MEIS2: variants seen among roughly 807,000 people sequenced by gnomAD.
The protein encoded by MEIS2 is Meis homeobox 2.
Under a neutral mutation model 58.6 loss-of-function variants are expected in MEIS2, and 9 were observed. The observed-to-expected ratio is 0.15, with a 90% CI of 0.09 to 0.27. The LOEUF is 0.27. Ranked by LOEUF, MEIS2 falls within the 10% of genes least tolerant of loss-of-function variation. MEIS2 has a pLI of 1.00. For missense variants in MEIS2, 427 were observed against 635.0 expected (o/e 0.67, Z 3.52); for synonymous variants, 221 against 228.4 (o/e 0.97, Z 0.29).
chr15:36,950,298 A>G, intron 9 of MEIS2, 26 bp downstream of exon 9: 1 of 1,575,872 alleles, frequency 6.3e-7, no homozygotes. Context: ...CCATGGGAGA[A>G]AGACATTGAT....
intron 8 of MEIS2, among the ~76,000 whole-genome samples, chr15:36,950,705 C>T (rs553430312): frequency 6.6e-6 from 1 of 152,212 alleles, no homozygotes; most frequent in Non-Finnish European, 1.5e-5. Context: ...TTTTGGTCAT[C>T]TAACTCGCTT....
chr15:37,094,371 CCT>C (rs572320144), intron 5 of MEIS2, 154 bp downstream of exon 5: 69 of 668,304 alleles, frequency 1.0e-4, no homozygotes, highest in Non-Finnish European at 1.3e-4. Flanking sequence ...CCTCTGAGCC[CCT>C]GTGTTGAGAA....
At chr15:36,954,302 C>T (rs16964391) in intron 8 of MEIS2, among the ~76,000 whole-genome samples, 18,407 of 150,734 alleles carry the variant, frequency 0.12, 1,229 homozygotes, top group African/African-American at 0.18. Flanking sequence ...ATGCTTGTAG[C>T]GCAAAAAAAA....
intron 7 of MEIS2, among the ~76,000 whole-genome samples, chr15:37,043,671 C>T (rs998112198): frequency 6.7e-5 from 10 of 149,468 alleles, no homozygotes; most frequent in Admixed American, 6.0e-4. Flanking sequence ...TCTAGAACAC[C>T]GTCCCCTCCT....
chr15:36,942,455 G>A (rs1045796968), intron 9 of MEIS2, among the ~76,000 whole-genome samples: 2 of 152,114 alleles, frequency 1.3e-5, no homozygotes, highest in Admixed American at 1.3e-4. Context: ...ACCAGGAAGC[G>A]CCACCTAACC....
intron 9 of MEIS2, among the ~76,000 whole-genome samples, chr15:36,937,450 G>A (rs2058218085): frequency 6.6e-6 from 1 of 152,186 alleles, no homozygotes; most frequent in African/African-American, 2.4e-5. Context: ...AGGGATTTAA[G>A]AAACAGCTTA....
At chr15:37,029,024 A>C (rs1434027502) in intron 8 of MEIS2, among the ~76,000 whole-genome samples, 1 of 152,200 alleles carries the variant, frequency 6.6e-6, no homozygotes, top group East Asian at 1.9e-4. Context: ...ATCACCCAGC[A>C]TTGTAATTTA....
At chr15:37,034,595 C>T (rs529252463) in intron 8 of MEIS2, among the ~76,000 whole-genome samples, 31 of 152,284 alleles carry the variant, frequency 2.0e-4, no homozygotes, top group African/African-American at 6.5e-4. Flanking sequence ...TGCTGGGTGC[C>T]GCCCTGGGCA....
intron 7 of MEIS2, among the ~76,000 whole-genome samples, chr15:37,054,187 T>G (rs982011733): frequency 6.6e-6 from 1 of 152,258 alleles, no homozygotes; most frequent in Admixed American, 6.5e-5. Flanking sequence ...AAGGCTTTTC[T>G]TTTGCTTTTT....
chr15:37,098,362 G>A (rs77657274), intron 1 of MEIS2, 163 bp from the exon 2 acceptor site: 39,682 of 1,001,162 alleles, frequency 0.04, 809 homozygotes, highest in Middle Eastern at 0.053. Flanking sequence ...AGGAGGAGGA[G>A]GAAAAGGAGG....
chr15:37,010,024 G>A (rs1299751720), intron 8 of MEIS2, among the ~76,000 whole-genome samples: 1 of 152,132 alleles, frequency 6.6e-6, no homozygotes, highest in African/African-American at 2.4e-5. Context: ...CATTTGATGT[G>A]TTCTAACCCA....
At chr15:36,949,466 C>T (rs924320980) in intron 9 of MEIS2, among the ~76,000 whole-genome samples, 2 of 151,952 alleles carry the variant, frequency 1.3e-5, no homozygotes, top group Non-Finnish European at 2.9e-5. Flanking sequence ...AAGGCAGAGA[C>T]TTCTCATTTG....
chr15:37,017,565 T>C (rs1236081551), intron 8 of MEIS2, among the ~76,000 whole-genome samples: 2 of 152,124 alleles, frequency 1.3e-5, no homozygotes, highest in Non-Finnish European at 2.9e-5. Flanking sequence ...ATGGTGCCAC[T>C]GCACTCCAGC....
chr15:37,075,780 A>G (rs1228741815), intron 7 of MEIS2, among the ~76,000 whole-genome samples: 1 of 152,060 alleles, frequency 6.6e-6, no homozygotes. Context: ...CCACGGCCTC[A>G]TACCTGGGCA....
intron 7 of MEIS2, among the ~76,000 whole-genome samples, chr15:37,054,227 C>G (rs1323233849): frequency 1.3e-5 from 2 of 152,064 alleles, no homozygotes; most frequent in Non-Finnish European, 1.5e-5. Flanking sequence ...TTTTTTATGT[C>G]TAGCCTCACT....
At chr15:36,905,394 AG>A (rs1281335935) in intron 9 of MEIS2, among the ~76,000 whole-genome samples, 1 of 152,060 alleles carries the variant, frequency 6.6e-6, no homozygotes, top group Non-Finnish European at 1.5e-5. Flanking sequence ...AGGGGAACAG[AG>A]ATTTTTCTCA....
intron 7 of MEIS2, among the ~76,000 whole-genome samples, chr15:37,038,421 T>C (rs192774387): frequency 1.3e-5 from 2 of 152,334 alleles, no homozygotes; most frequent in Admixed American, 1.3e-4. Flanking sequence ...CCCTCAACTT[T>C]CTTTGACTAG....
intron 9 of MEIS2, among the ~76,000 whole-genome samples, chr15:36,924,680 G>A (rs1247578147): frequency 6.6e-6 from 1 of 152,092 alleles, no homozygotes; most frequent in African/African-American, 2.4e-5. Context: ...TTACGGGAGC[G>A]GACCTGCTGG....
In MEIS2 at chr15:37,034,596, G is replaced by A. The variant is rs547643493; in HGVS notation, c.900+2218C>T. The stretch of plus-strand genomic sequence containing the variant: ...GTGGCCATGGTGCATGCTGGGTGCC[G>A]CCCTGGGCAGGGAGGTGGGAGATAA... On this transcript the variant is annotated intron_variant, in intron 8 of 11. Coordinates refer to ENST00000561208, the MANE Select transcript of MEIS2 (RefSeq NM_170675.5). 4.6e-5 allele frequency among the ~76,000 whole-genome samples: 7 copies of A among 152,304 alleles called. No homozygotes were observed. The South Asian group carries it at 1.0e-3, about 23-fold the overall frequency.
Sources: gnomAD v4.1 joint callset for allele counts (sites outside exome capture counted in the v4.1 genomes callset) on GRCh38, gnomAD v4.1.1 for gene constraint, MANE v1.5 for transcripts, NCBI Gene and HGNC (gene_info 2026-07-23, HGNC 2026-07-21) for gene names.